The following RP1 variants were observed in gnomAD, a reference collection of about 807,000 sequenced individuals.
RP1 encodes RP1 axonemal microtubule associated, also known as oxygen-regulated protein 1.
RP1 carries 16 observed loss-of-function variants against 14.8 expected under a neutral mutation model. That is an observed-to-expected ratio of 1.08 (90% CI 0.73 to 1.65). The LOEUF is 1.65. RP1 is among the 40% of genes most tolerant of loss of function. The pLI, the probability that RP1 is intolerant of heterozygous loss-of-function variation, is 0.00. For missense variants in RP1, 2,631 were observed against 2,535.0 expected (o/e 1.04, Z -0.81); for synonymous variants, 876 against 883.6 (o/e 0.99, Z 0.15).
intron 24 of RP1, among the ~76,000 whole-genome samples, chr8:54,799,712 G>T (rs1403513414): frequency 6.6e-6 from 1 of 151,732 alleles, no homozygotes; most frequent in Non-Finnish European, 1.5e-5. Context: ...AATAATCTGA[G>T]TCTCCCTTCA....
At chr8:54,699,429 C>A in intron 12 of RP1, 1 of 1,118,708 alleles carries the variant, frequency 8.9e-7, no homozygotes, top group Non-Finnish European at 1.2e-6. Flanking sequence ...GTTTTAAAAG[C>A]CAAACTTGCT....
In RP1 at chr8:54,622,200, C is replaced by T; in HGVS notation, c.699C>T (p.Asp233=). Residue 233 remains aspartate, a synonymous_variant, in exon 3 of 4, where the codon GAC becomes GAT. Transcript: ENST00000220676. ...GREPFKPGNY[D]IQKYLLPARL... is the part of the protein sequence containing the mutation. ...AGCCATTTAAACCAGGAAATTATGA[C>T]ATCCAAAAATACTTGCTTCCTGCTA... 1 of 1,614,164 alleles carries T rather than the reference C, an allele frequency of 6.2e-7. No homozygotes were observed. Among genetic ancestry groups the T allele is most frequent in the Non-Finnish European group, 8.5e-7 (1 of 1,180,008 alleles).
chr8:54,701,619 C>T, exon 14 of RP1: 4 of 1,535,498 alleles, frequency 2.6e-6, no homozygotes, highest in Non-Finnish European at 3.5e-6. Context: ...GCATCATCAG[C>T]AGGCTATGCA....
At chr8:54,772,085 A>G (rs1427875640), downstream of RP1, among the ~76,000 whole-genome samples, 2 of 152,162 alleles carry the variant, frequency 1.3e-5, no homozygotes, top group Non-Finnish European at 2.9e-5. Context: ...ACTCTTAGCC[A>G]TGTTTAATTA....
At chr8:54,665,462 A>G (rs972836197) in intron 7 of RP1, among the ~76,000 whole-genome samples, 2 of 152,198 alleles carry the variant, frequency 1.3e-5, no homozygotes, top group African/African-American at 4.8e-5. Context: ...CCCCAGAGAT[A>G]GGTAAGATAG....
intron 24 of RP1, among the ~76,000 whole-genome samples, chr8:54,827,330 ATT>A (rs111615579): frequency 0.012 from 1,692 of 145,958 alleles, 36 homozygotes; most frequent in African/African-American, 0.04. Flanking sequence ...TTTATAGTGT[ATT>A]TTTTTTTTTT....
intron 25 of RP1, among the ~76,000 whole-genome samples, chr8:54,845,034 G>A (rs907566521): frequency 6.6e-6 from 1 of 152,174 alleles, no homozygotes; most frequent in Non-Finnish European, 1.5e-5. Flanking sequence ...CCTTAGGGAC[G>A]GTCAGAGTCT....
intron 24 of RP1, among the ~76,000 whole-genome samples, chr8:54,829,408 A>T (rs1202639502): frequency 6.6e-6 from 1 of 152,194 alleles, no homozygotes; most frequent in Non-Finnish European, 1.5e-5. Context: ...AAAGAATTAG[A>T]TGAAACCAGA....
chr8:54,704,610 T>C (rs1385078268), intron 14 of RP1, among the ~76,000 whole-genome samples: 1 of 152,194 alleles, frequency 6.6e-6, no homozygotes, highest in Non-Finnish European at 1.5e-5. Context: ...GATGTAGGGT[T>C]CTCACAAACC....
At chr8:54,572,587 G>A (rs1804547088) in intron 1 of RP1, among the ~76,000 whole-genome samples, 1 of 152,168 alleles carries the variant, frequency 6.6e-6, no homozygotes, top group Non-Finnish European at 1.5e-5. Context: ...GCTCTCTAAG[G>A]AGTTGGGATA....
chr8:54,779,386 T>C (rs1176594203), intron 23 of RP1, among the ~76,000 whole-genome samples: 2 of 152,212 alleles, frequency 1.3e-5, no homozygotes, highest in African/African-American at 4.8e-5. Flanking sequence ...TCCCTCAGTA[T>C]GCCCAACTAA....
downstream of RP1, among the ~76,000 whole-genome samples, chr8:54,635,543 A>T (rs1413877439): frequency 6.6e-6 from 1 of 152,172 alleles, no homozygotes; most frequent in Non-Finnish European, 1.5e-5. Context: ...CATATATATG[A>T]ATATTCATAT....
At chr8:54,728,523 T>C (rs936235249) in intron 17 of RP1, among the ~76,000 whole-genome samples, 13 of 152,192 alleles carry the variant, frequency 8.5e-5, no homozygotes, top group African/African-American at 1.7e-4. Flanking sequence ...TGTATAGTTT[T>C]GGGAATGAGA....
exon 24 of RP1, chr8:54,783,654 A>G: frequency 8.1e-7 from 1 of 1,231,584 alleles, no homozygotes; most frequent in East Asian, 3.2e-5. Flanking sequence ...AGGTCCTATT[A>G]TTTTGGGATC....
Position 54,625,239 on chromosome 8 carries a change from G to A in RP1, c.1357G>A (p.Gly453Arg). ...TCGTTTTTATAGGCCCCCTACACCT[G>A]GACTAAGAAGAGTGAGACAAAAGAA... ...KHRFYRPPTP[G>R]LRRVRQKKSV... Residue 453 changes from glycine (G) to arginine (R), a missense_variant, in exon 4 of 4, where the codon GGA (glycine) becomes AGA (arginine). Transcript: ENST00000220676. 3 of 1,614,112 alleles carry A rather than the reference G, an allele frequency of 1.9e-6. No homozygotes were observed. The highest frequency in any genetic ancestry group is 2.5e-6 in the Non-Finnish European group (3 of 1,180,030).
intron 1 of RP1, among the ~76,000 whole-genome samples, chr8:54,608,768 C>G (rs1045449065): frequency 2.0e-5 from 3 of 152,144 alleles, no homozygotes; most frequent in African/African-American, 7.2e-5. Flanking sequence ...ATACTCAAAT[C>G]TTTGCTTGTT....
At chr8:54,653,135 T>G (rs1002368399) in intron 5 of RP1, among the ~76,000 whole-genome samples, 4 of 152,206 alleles carry the variant, frequency 2.6e-5, no homozygotes, top group African/African-American at 9.6e-5. Flanking sequence ...CTTGATATAG[T>G]TGCACTGCTG....
intron 3 of RP1, among the ~76,000 whole-genome samples, 185 bp from the exon 4 acceptor site, chr8:54,624,485 A>T (rs1464298625): frequency 6.6e-6 from 1 of 151,068 alleles, no homozygotes; most frequent in African/African-American, 2.4e-5. Flanking sequence ...AACAAAATAC[A>T]TAGAGCTCAG....
chr8:54,866,247 A>G (rs748450543), intron 28 of RP1, among the ~76,000 whole-genome samples: 3 of 152,168 alleles, frequency 2.0e-5, no homozygotes, highest in African/African-American at 7.2e-5. Flanking sequence ...TACCACTCTT[A>G]ACTTCTCTGA....
Sources: gnomAD v4.1 joint callset for allele counts (sites outside exome capture counted in the v4.1 genomes callset) on GRCh38, gnomAD v4.1.1 for gene constraint, MANE v1.5 for transcripts, NCBI Gene and HGNC (gene_info 2026-07-23, HGNC 2026-07-21) for gene names.